Variants in SPATA1 observed in about 807,000 individuals in gnomAD.
The protein encoded by SPATA1 is spermatogenesis-associated protein 1.
In SPATA1, 57 loss-of-function variants were observed where a neutral mutation model predicts 59.6. The ratio of observed to expected loss-of-function variants is 0.96; its 90% CI spans 0.77 to 1.19. The LOEUF (loss-of-function observed/expected upper bound fraction) is 1.19, where lower values mean the gene tolerates loss of function less well. SPATA1 is among the 50% of genes most tolerant of loss of function. The pLI, the probability that SPATA1 is intolerant of heterozygous loss-of-function variation, is 0.00. For synonymous variants in SPATA1, 147 were observed against 163.9 expected (o/e 0.90, Z 0.79); for missense variants, 448 against 480.7 (o/e 0.93, Z 0.64).
intron 4 of SPATA1, among the ~76,000 whole-genome samples, chr1:84,561,772 T>C (rs1684599515): frequency 6.6e-6 from 1 of 152,254 alleles, no homozygotes; most frequent in African/African-American, 2.4e-5. Context: ...TATAACTTGA[T>C]AAAGGCTCAG....
chr1:84,513,125 G>A (rs376493318), intron 1 of SPATA1, among the ~76,000 whole-genome samples: 2 of 152,082 alleles, frequency 1.3e-5, no homozygotes, highest in African/African-American at 4.8e-5. Flanking sequence ...GTTTTGTTTT[G>A]TTTTGTTTTT....
intron 2 of SPATA1, among the ~76,000 whole-genome samples, chr1:84,518,245 T>A (rs541729142): frequency 3.3e-5 from 5 of 152,268 alleles, no homozygotes; most frequent in African/African-American, 1.2e-4. Flanking sequence ...CATTGTGTGA[T>A]CCTTGTTTGA....
At chr1:84,516,353 A>C in exon 2 of SPATA1, 1 of 1,527,768 alleles carries the variant, frequency 6.5e-7, no homozygotes, top group South Asian at 1.3e-5. Flanking sequence ...TTCAGACATT[A>C]GTGAATATGT....
chr1:84,524,715 C>T (rs1366773565), intron 4 of SPATA1, among the ~76,000 whole-genome samples: 1 of 152,110 alleles, frequency 6.6e-6, no homozygotes, highest in Non-Finnish European at 1.5e-5. Context: ...TTTCATAATT[C>T]AGGACTTAGC....
chr1:84,545,786 A>G (rs1684066091), intron 10 of SPATA1, 27 bp downstream of exon 10: 3 of 1,406,264 alleles, frequency 2.1e-6, no homozygotes, highest in Admixed American at 6.3e-5. Context: ...ACCTTTTATC[A>G]CTATAAAGAA....
chr1:84,506,855 T>C (rs930094564), intron 1 of SPATA1: 1 of 152,240 alleles, frequency 6.6e-6, no homozygotes. Flanking sequence ...GCTTCTTAGC[T>C]CTTGAATCGG....
At chr1:84,520,644 C>A in exon 3 of SPATA1, 1 of 1,578,648 alleles carries the variant, frequency 6.3e-7, no homozygotes, top group Admixed American at 1.9e-5. Flanking sequence ...AGCTAAATAC[C>A]ATTTCAACAG....
chr1:84,566,062 T>A, exon 5 of SPATA1: 1 of 1,168,064 alleles, frequency 8.6e-7, no homozygotes, highest in Admixed American at 3.0e-5. Context: ...CGTGTGCATA[T>A]TACGTCAGAT....
chr1:84,554,584 G>A (rs1236918936), downstream of SPATA1: 1 of 165,524 alleles, frequency 6.0e-6, no homozygotes. Flanking sequence ...GAAAAGTATA[G>A]CACAAACTGC....
At chr1:84,557,480 C>T (rs1208780862), downstream of SPATA1, among the ~76,000 whole-genome samples, 1 of 145,934 alleles carries the variant, frequency 6.9e-6, no homozygotes, top group East Asian at 2.0e-4. Context: ...GCGCAGTCAG[C>T]CGAGATCGTG....
At chr1:84,529,012 T>G (rs1434606875) in intron 6 of SPATA1, among the ~76,000 whole-genome samples, 1 of 152,106 alleles carries the variant, frequency 6.6e-6, no homozygotes, top group Non-Finnish European at 1.5e-5. Flanking sequence ...TATATATATT[T>G]TTTCATATAT....
chr1:84,538,615 CT>C (rs1683797941), intron 8 of SPATA1, among the ~76,000 whole-genome samples: 1 of 152,136 alleles, frequency 6.6e-6, no homozygotes, highest in Admixed American at 6.5e-5. Context: ...AAACAAAGCA[CT>C]TTGTGGACCT....
chr1:84,555,012 A>G (rs34160527), downstream of SPATA1: 13,420 of 1,613,696 alleles, frequency 8.3e-3, 80 homozygotes, highest in Non-Finnish European at 0.01. Context: ...TCTCTGTAAC[A>G]GCTTTGGCTT....
At chr1:84,541,387 T>C (rs58210479) in intron 8 of SPATA1, among the ~76,000 whole-genome samples, 5,756 of 151,960 alleles carry the variant, frequency 0.038, 381 homozygotes, top group African/African-American at 0.13. Flanking sequence ...TCTGCCACTT[T>C]CATTCTGATC....
intron 10 of SPATA1, among the ~76,000 whole-genome samples, chr1:84,546,769 C>G (rs1279614784): frequency 6.6e-6 from 1 of 152,064 alleles, no homozygotes; most frequent in African/African-American, 2.4e-5. Flanking sequence ...CTTTGAGTCC[C>G]TTGGTCTCTT....
At chr1:84,529,576 C>CTTTTTTTTTTTT (rs761561650) in intron 6 of SPATA1, among the ~76,000 whole-genome samples, 2 of 91,348 alleles carry the variant, frequency 2.2e-5, no homozygotes, top group African/African-American at 4.5e-5. Context: ...GGTAATATGC[C>CTTTTTTTTTTTT]TTTTTTTTTT....
chr1:84,512,031 T>TTGA (rs1024471626), intron 1 of SPATA1, among the ~76,000 whole-genome samples: 2 of 152,136 alleles, frequency 1.3e-5, no homozygotes, highest in Non-Finnish European at 2.9e-5. Flanking sequence ...AACCTTTAAA[T>TTGA]TGATGAGAAT....
chr1:84,564,994 G>A (rs754874206), intron 4 of SPATA1, among the ~76,000 whole-genome samples: 2 of 152,046 alleles, frequency 1.3e-5, no homozygotes, highest in African/African-American at 4.8e-5. Flanking sequence ...GGCTATCATA[G>A]TGCCACTGCA....
intron 4 of SPATA1, chr1:84,563,480 CA>C: frequency 8.7e-7 from 1 of 1,144,802 alleles, no homozygotes; most frequent in South Asian, 2.6e-5. Context: ...AAAGCCAAAC[CA>C]AAAATATATA....
Sources: gnomAD v4.1 joint callset for allele counts (sites outside exome capture counted in the v4.1 genomes callset) on GRCh38, gnomAD v4.1.1 for gene constraint, MANE v1.5 for transcripts, NCBI Gene and HGNC (gene_info 2026-07-23, HGNC 2026-07-21) for gene names.